The following UNC13B variants were observed in gnomAD, a reference collection of about 807,000 sequenced individuals.
UNC13B encodes unc-13 homolog B.
Under a neutral mutation model 211.0 loss-of-function variants are expected in UNC13B, and 144 were observed. That is an observed-to-expected ratio of 0.68 (90% CI 0.60 to 0.78). The LOEUF is 0.78. UNC13B is among the 30% of genes least tolerant of loss of function. The pLI is 0.00. For synonymous variants in UNC13B, 709 were observed against 725.8 expected (o/e 0.98, Z 0.37); for missense variants, 1,777 against 2,002.0 (o/e 0.89, Z 2.14).
chr9:35,372,201 G>A (rs1002741165), intron 13 of UNC13B, among the ~76,000 whole-genome samples: 3 of 152,236 alleles, frequency 2.0e-5, no homozygotes, highest in Admixed American at 2.0e-4. Flanking sequence ...GAACCCGGGA[G>A]GCGGAAGTTG....
intron 11 of UNC13B, chr9:35,352,794 A>T (rs993698748): frequency 8.1e-6 from 10 of 1,232,080 alleles, no homozygotes; most frequent in Non-Finnish European, 1.0e-5. Flanking sequence ...TCTACCCCCC[A>T]TCAGTTTGAG....
chr9:35,363,507 T>C (rs10972447), intron 11 of UNC13B, among the ~76,000 whole-genome samples: 12,589 of 152,266 alleles, frequency 0.083, 1,740 homozygotes, highest in African/African-American at 0.28. Context: ...GAGGATTCCT[T>C]GTCACCTAGT....
chr9:35,382,796 T>C (rs1481299240), intron 21 of UNC13B, among the ~76,000 whole-genome samples: 2 of 152,146 alleles, frequency 1.3e-5, no homozygotes, highest in Admixed American at 6.5e-5. Context: ...ACTCCTGACC[T>C]CAGGTGATCC....
chr9:35,323,781 T>C (rs944599707), intron 11 of UNC13B, among the ~76,000 whole-genome samples: 1 of 152,192 alleles, frequency 6.6e-6, no homozygotes, highest in African/African-American at 2.4e-5. Flanking sequence ...TTTCTCTGGC[T>C]TCCTCTGCCA....
chr9:35,319,402 CAAAAAAAAAAAAAAAAAAAAA>C (rs74176715), intron 11 of UNC13B, among the ~76,000 whole-genome samples: 2 of 56,188 alleles, frequency 3.6e-5, no homozygotes, highest in Non-Finnish European at 6.1e-5. Context: ...GACCCTATCT[CAAAAAAAAAAAAAAAAAAAAA>C]AAAAAAAAAA....
intron 11 of UNC13B, among the ~76,000 whole-genome samples, chr9:35,358,158 G>A (rs1487709192): frequency 6.6e-6 from 1 of 152,200 alleles, no homozygotes; most frequent in Non-Finnish European, 1.5e-5. Flanking sequence ...TTTTAAGGCT[G>A]CATCGTATTC....
chr9:35,169,691 G>T (rs1318668340), intron 1 of UNC13B, among the ~76,000 whole-genome samples: 2 of 152,186 alleles, frequency 1.3e-5, no homozygotes, highest in Non-Finnish European at 2.9e-5. Context: ...ATTGTGCTTT[G>T]TGTGAGCCAG....
chr9:35,235,476 G>A (rs1387339440), intron 3 of UNC13B, among the ~76,000 whole-genome samples: 3 of 151,296 alleles, frequency 2.0e-5, no homozygotes, highest in Non-Finnish European at 4.4e-5. Context: ...TGGGGATGGA[G>A]TCTGGCTCTG....
chr9:35,403,654 TGG>T, intron 39 of UNC13B, 55 bp downstream of exon 39: 1 of 186,424 alleles, frequency 5.4e-6, no homozygotes. Flanking sequence ...ACTTGAGGGG[TGG>T]GGGGAGAGGA....
rs1834040619 is a variant in UNC13B, at chr9:35,370,401, G to A, written c.9540+5G>A. 3 of 1,613,588 alleles carry A rather than the reference G, an allele frequency of 1.9e-6. No homozygotes were observed. Among genetic ancestry groups the A allele is most frequent in the Non-Finnish European group, 2.5e-6 (3 of 1,179,914 alleles). On this transcript the variant is annotated splice_donor_5th_base_variant and intron_variant, in intron 13 of 39. Transcript: ENST00000635942. ...CTGCCACTTGTCAGTGATCTGGTGA[G>A]TGAAGACTCTTGTGCAGGCATAGGC...
At chr9:35,244,506 A>G (rs1431093441) in intron 6 of UNC13B, among the ~76,000 whole-genome samples, 1 of 152,204 alleles carries the variant, frequency 6.6e-6, no homozygotes, top group Non-Finnish European at 1.5e-5. Flanking sequence ...CAGCAGGATC[A>G]GTTCAGCTCC....
chr9:35,199,375 G>C (rs1299113049), intron 1 of UNC13B, among the ~76,000 whole-genome samples: 2 of 152,146 alleles, frequency 1.3e-5, no homozygotes, highest in Non-Finnish European at 2.9e-5. Context: ...GGATGACTGA[G>C]TCAAATGGTA....
chr9:35,370,903 T>C (rs1834073361), intron 13 of UNC13B, among the ~76,000 whole-genome samples: 1 of 152,320 alleles, frequency 6.6e-6, no homozygotes, highest in African/African-American at 2.4e-5. Flanking sequence ...TGGAATTGAA[T>C]TGAAACAGGC....
At chr9:35,220,947 A>T (rs1384858057) in intron 1 of UNC13B, among the ~76,000 whole-genome samples, 1 of 152,150 alleles carries the variant, frequency 6.6e-6, no homozygotes, top group Non-Finnish European at 1.5e-5. Flanking sequence ...GATAAAAGCC[A>T]TTTTAACTGG....
intron 14 of UNC13B, 40 bp from the exon 15 acceptor site, chr9:35,375,988 C>T (rs1266183690): frequency 6.2e-7 from 1 of 1,609,764 alleles, no homozygotes. Context: ...TCAAAACAAA[C>T]AAAAAACAAA....
chr9:35,386,612 A>G (rs973258868), intron 24 of UNC13B, among the ~76,000 whole-genome samples: 12 of 152,068 alleles, frequency 7.9e-5, no homozygotes, highest in Non-Finnish European at 1.8e-4. Context: ...TTCTCCCTCA[A>G]GTTTAACTTT....
At chr9:35,265,728 G>A (rs974582530) in intron 7 of UNC13B, among the ~76,000 whole-genome samples, 5 of 152,066 alleles carry the variant, frequency 3.3e-5, no homozygotes, top group African/African-American at 1.2e-4. Context: ...GCTTAAGGCT[G>A]AAGTTCAAGA....
intron 1 of UNC13B, among the ~76,000 whole-genome samples, chr9:35,212,657 C>G (rs1170434472): frequency 1.3e-5 from 2 of 152,100 alleles, no homozygotes; most frequent in East Asian, 1.9e-4. Context: ...GACCTCAAAC[C>G]CTTGTACTGC....
chr9:35,299,785 T>C (rs748609565), intron 8 of UNC13B, among the ~76,000 whole-genome samples: 8 of 152,202 alleles, frequency 5.3e-5, no homozygotes, highest in Non-Finnish European at 1.0e-4. Flanking sequence ...TTAAATCTTA[T>C]AACTTCTTTC....
Sources: allele counts gnomAD v4.1 joint callset (sites outside exome capture counted in the v4.1 genomes callset), GRCh38; gene constraint gnomAD v4.1.1; transcripts MANE v1.5; gene names NCBI Gene and HGNC (gene_info 2026-07-23, HGNC 2026-07-21).